PSD3: variants seen among roughly 807,000 people sequenced by gnomAD.
PSD3 encodes the protein PH and SEC7 domain-containing protein 3.
In PSD3, 49 loss-of-function variants were observed where a neutral mutation model predicts 105.5. The ratio of observed to expected loss-of-function variants is 0.46; its 90% CI spans 0.37 to 0.59. The LOEUF (loss-of-function observed/expected upper bound fraction) is 0.59. Among genes scored for constraint, PSD3 ranks in the 20% least tolerant of loss-of-function variants. The pLI is 0.00. For missense variants in PSD3, 1,561 were observed against 1,263.8 expected, an observed-to-expected ratio of 1.24 and a Z score of -3.57; for synonymous variants, 557 against 457.8, an observed-to-expected ratio of 1.22 and a Z score of -2.77.
rs541790149 is a variant in PSD3, at chr8:18,754,579, CA to C, written c.2172+10869del. ...CTACAGGCCCAAGATTATGATATGC[CA>C]GGGGGAGGATCAGGTCAAAAATTTC... On this transcript the variant is annotated intron_variant, in intron 9 of 15. Transcript: ENST00000327040. Among the ~76,000 whole-genome samples the C allele has an allele frequency of 3.2e-3, 492 of 152,008 alleles. 5 individuals carry two copies. Among genetic ancestry groups the C allele is most frequent in the Non-Finnish European group, 2.9e-3 (194 of 67,982 alleles).
At chr8:18,591,203 C>A (rs574494539) in intron 12 of PSD3, among the ~76,000 whole-genome samples, 2 of 152,272 alleles carry the variant, frequency 1.3e-5, no homozygotes, top group South Asian at 4.1e-4. Context: ...CAACCCCTCC[C>A]TGAAGCTAGC....
At chr8:19,027,092 A>G (rs1172042214) in intron 1 of PSD3, among the ~76,000 whole-genome samples, 1 of 152,180 alleles carries the variant, frequency 6.6e-6, no homozygotes, top group Non-Finnish European at 1.5e-5. Flanking sequence ...CAATACACGC[A>G]TTATGAACCC....
At chr8:18,936,426 C>T (rs1313724931) in intron 1 of PSD3, among the ~76,000 whole-genome samples, 3 of 152,232 alleles carry the variant, frequency 2.0e-5, no homozygotes, top group African/African-American at 7.2e-5. Context: ...GAATTATGGT[C>T]GGTTTTTAAA....
intron 6 of PSD3, among the ~76,000 whole-genome samples, chr8:18,803,853 C>T (rs371343134): frequency 2.0e-5 from 3 of 151,856 alleles, no homozygotes; most frequent in South Asian, 2.1e-4. Context: ...TGGAGATGGA[C>T]GGTGGTGACG....
intron 12 of PSD3, among the ~76,000 whole-genome samples, chr8:18,583,679 A>C (rs1408905077): frequency 6.6e-6 from 1 of 152,108 alleles, no homozygotes; most frequent in Non-Finnish European, 1.5e-5. Flanking sequence ...CACTTTCTTC[A>C]TGAACTCTTT....
chr8:18,893,530 A>G (rs1259145387), intron 2 of PSD3, among the ~76,000 whole-genome samples: 2 of 152,018 alleles, frequency 1.3e-5, no homozygotes, highest in Admixed American at 1.3e-4. Context: ...TTTTCTTCAA[A>G]CAGTCTAGTT....
intron 9 of PSD3, among the ~76,000 whole-genome samples, chr8:18,673,094 C>G (rs1217585576): frequency 6.6e-6 from 1 of 152,058 alleles, no homozygotes; most frequent in Non-Finnish European, 1.5e-5. Flanking sequence ...AAAGTCACCT[C>G]TTTCAATCTC....
At chr8:18,784,400 C>T (rs1473492830) in intron 8 of PSD3, among the ~76,000 whole-genome samples, 4 of 152,168 alleles carry the variant, frequency 2.6e-5, no homozygotes, top group African/African-American at 9.7e-5. Flanking sequence ...GGGGGTTTCT[C>T]CACATTCACA....
chr8:19,022,088 G>C (rs1827382216), intron 1 of PSD3, among the ~76,000 whole-genome samples: 1 of 152,154 alleles, frequency 6.6e-6, no homozygotes, highest in East Asian at 1.9e-4. Flanking sequence ...GTGAGAGCAG[G>C]AGAAGGGTTG....
At chr8:19,064,297 A>C (rs1462011117) in intron 1 of PSD3, among the ~76,000 whole-genome samples, 1 of 152,192 alleles carries the variant, frequency 6.6e-6, no homozygotes, top group Non-Finnish European at 1.5e-5. Flanking sequence ...TAGACATGAG[A>C]ATGCTTAAAT....
chr8:18,814,379 A>AG (rs1812025632), intron 4 of PSD3, among the ~76,000 whole-genome samples: 1 of 152,184 alleles, frequency 6.6e-6, no homozygotes, highest in South Asian at 2.1e-4. Flanking sequence ...TGAGTCGGGG[A>AG]GTCTGCATTT....
rs555243514 is a variant in PSD3, at chr8:18,838,785, G to A, written c.1634+28889C>T. Among the ~76,000 whole-genome samples, 6 of 148,966 alleles carry A rather than the reference G, an allele frequency of 4.0e-5. No individual in the cohort carries two copies. In the East Asian group the frequency reaches 1.2e-3, roughly 30 times the overall value. On this transcript the variant is annotated intron_variant, in intron 4 of 15. Transcript: ENST00000327040. ...CCACTGCACTCCAGCCTGGGTGACA[G>A]AGCGAGACTCCGTCTCAAATAATAA...
chr8:18,799,553 G>A (rs1323331101), intron 7 of PSD3, among the ~76,000 whole-genome samples, 200 bp from the exon 8 acceptor site: 3 of 152,158 alleles, frequency 2.0e-5, no homozygotes, highest in Admixed American at 6.5e-5. Flanking sequence ...CTCCACTGTT[G>A]ATAAGTTGTT....
chr8:18,600,455 T>C, intron 11 of PSD3, 21 bp from the exon 12 acceptor site: 1 of 1,547,836 alleles, frequency 6.5e-7, no homozygotes, highest in Non-Finnish European at 8.8e-7. Context: ...GGAAAAAATG[T>C]AAAATTTTAT....
At chr8:18,720,760 T>G (rs1802918189) in intron 9 of PSD3, 1 of 152,176 alleles carries the variant, frequency 6.6e-6, no homozygotes, top group South Asian at 2.1e-4. Flanking sequence ...ATTTGCTCAG[T>G]GCGTTTTAAA....
intron 14 of PSD3, among the ~76,000 whole-genome samples, chr8:18,559,832 C>G (rs535615916): frequency 1.3e-5 from 2 of 152,204 alleles, no homozygotes; most frequent in East Asian, 1.9e-4. Flanking sequence ...ACTTTCCTCC[C>G]AATACCAGGG....
At chr8:18,564,102 T>TTTC (rs540676722) in intron 14 of PSD3, among the ~76,000 whole-genome samples, 1 of 122,260 alleles carries the variant, frequency 8.2e-6, no homozygotes, top group Non-Finnish European at 1.7e-5. Context: ...AATTTAAAGT[T>TTTC]TTCTTCTTCT....
intron 2 of PSD3, among the ~76,000 whole-genome samples, chr8:18,933,541 C>T (rs764570989): frequency 1.3e-5 from 2 of 152,190 alleles, no homozygotes; most frequent in Admixed American, 6.5e-5. Flanking sequence ...GATCTCGGCT[C>T]ACTGCAACTT....
At chr8:18,568,098 C>A (rs1475828507) in intron 14 of PSD3, among the ~76,000 whole-genome samples, 2 of 152,154 alleles carry the variant, frequency 1.3e-5, no homozygotes, top group Admixed American at 6.5e-5. Flanking sequence ...GAGATTCTTA[C>A]CAGAAGCAGA....
Sources: gnomAD v4.1 joint callset for allele counts (sites outside exome capture counted in the v4.1 genomes callset) on GRCh38, gnomAD v4.1.1 for gene constraint, MANE v1.5 for transcripts, NCBI Gene and HGNC (gene_info 2026-07-23, HGNC 2026-07-21) for gene names.